The following YY1 variants were observed in gnomAD, a reference collection of about 807,000 sequenced individuals.
YY1 encodes the protein transcriptional repressor protein YY1.
In YY1, 2 loss-of-function variants were observed where a neutral mutation model predicts 35.6. That is an observed-to-expected ratio of 0.06 (90% CI 0.02 to 0.18). The LOEUF is 0.18. YY1 is among the 10% of genes least tolerant of loss of function. The pLI is 1.00. For missense variants in YY1, 322 were observed against 573.4 expected (o/e 0.56, Z 4.48); for synonymous variants, 268 against 238.9 (o/e 1.12, Z -1.12).
intron 2 of YY1, among the ~76,000 whole-genome samples, chr14:100,269,634 T>G (rs1182977291): frequency 6.6e-6 from 1 of 152,222 alleles, no homozygotes; most frequent in Admixed American, 6.5e-5. Context: ...CTTTTTTCAT[T>G]GTTGGCATTC....
chr14:100,260,349 A>G (rs1274178318), intron 1 of YY1, among the ~76,000 whole-genome samples: 1 of 151,036 alleles, frequency 6.6e-6, no homozygotes, highest in Non-Finnish European at 1.5e-5. Context: ...CCTGGCCGAG[A>G]GATCTTTTAA....
chr14:100,258,369 C>T (rs1009895503), intron 1 of YY1, among the ~76,000 whole-genome samples: 3 of 152,028 alleles, frequency 2.0e-5, no homozygotes, highest in Admixed American at 6.6e-5. Flanking sequence ...GTCTCTTTTT[C>T]GGAATACATC....
rs930621069 is a variant in YY1 at position 100,278,459 on chromosome 14, A to G, written c.*859A>G. 4 of 152,648 alleles carry G rather than the reference A, an allele frequency of 2.6e-5. No individual in the cohort carries two copies. Among genetic ancestry groups the G allele is most frequent in the African/African-American group, 9.6e-5 (4 of 41,454 alleles). The allele number at this position is 152,648 out of a possible 1,614,324, so 9.5% of individuals were successfully genotyped here. A position where few individuals can be genotyped will look rare whatever the true frequency, so the allele number is the denominator to read the frequency against. On this transcript the variant is annotated 3_prime_UTR_variant, in exon 5 of 5. Transcript: ENST00000262238. ...CAGAAAGGGCAACAATAAAATAGCA[A>G]TCCTAAAGCAAGAATATGGCAGAAC...
At chr14:100,261,728 G>A (rs1000080754) in intron 1 of YY1, among the ~76,000 whole-genome samples, 1 of 152,192 alleles carries the variant, frequency 6.6e-6, no homozygotes, top group Non-Finnish European at 1.5e-5. Flanking sequence ...CCAAAATAGA[G>A]GAGTGAAGAG....
intron 2 of YY1, chr14:100,263,952 G>C (rs1891118883): frequency 6.6e-6 from 1 of 152,124 alleles, no homozygotes; most frequent in East Asian, 1.9e-4. Flanking sequence ...ACAGCCTCAA[G>C]CAATCCTCCT....
chr14:100,247,061 AG>A (rs972233980), intron 1 of YY1, among the ~76,000 whole-genome samples: 1 of 152,238 alleles, frequency 6.6e-6, no homozygotes, highest in Non-Finnish European at 1.5e-5. Context: ...GGAAAAGGTC[AG>A]GGTTCCTGTC....
intron 1 of YY1, among the ~76,000 whole-genome samples, chr14:100,258,102 A>G (rs539468668): frequency 6.6e-6 from 1 of 152,180 alleles, no homozygotes; most frequent in Non-Finnish European, 1.5e-5. Flanking sequence ...ACTGCACTCC[A>G]GCCTGGACAA....
intron 1 of YY1, among the ~76,000 whole-genome samples, chr14:100,257,177 A>G (rs775115652): frequency 6.6e-6 from 1 of 152,078 alleles, no homozygotes; most frequent in South Asian, 2.1e-4. Context: ...CAGTCTTTCA[A>G]TATTAGAATT....
chr14:100,262,607 ATTTG>A lies in YY1; in HGVS notation c.842+149_842+152del, dbSNP rs150132545. On this transcript the variant is annotated intron_variant, in intron 2 of 4. Transcript: ENST00000262238. ...CCTGAAAACAAAAGCAGTCAGTTTT[ATTTG>A]TTTGTTTTTTGTTTCCTTTTTTTGA... 2,566 of 987,274 alleles carry A rather than the reference ATTTG, an allele frequency of 2.6e-3. 54 individuals carry two copies. In the African/African-American group the frequency reaches 0.038, roughly 14 times the overall value. 61.2% of individuals were successfully genotyped at this position (987,274 alleles called of 1,614,324 possible).
rs1288423883 is a variant in YY1 at position 100,276,378 on chromosome 14, G to T, written c.904-112G>T. 9.3e-6 allele frequency: 13 copies of T among 1,400,448 alleles called. No homozygotes were observed. In the African/African-American group the frequency reaches 1.6e-4, roughly 17 times the overall value. 86.8% of individuals were successfully genotyped at this position (1,400,448 alleles called of 1,614,324 possible). A position where few individuals can be genotyped will look rare whatever the true frequency, so the allele number is the denominator to read the frequency against. On this transcript the variant is annotated intron_variant, in intron 3 of 4. Coordinates refer to ENST00000262238, the MANE Select transcript of YY1 (RefSeq NM_003403.5). The surrounding 1 kb of genome is among the most constrained non-coding windows in gnomAD (Gnocchi z 4.1). Reference sequence around the variant, plus strand: ...CCGTAATACTAAGTAAAATTAAAATGGGGGGTTGGGGAGGTGGTTTTGTTT... The same window carrying T: ...CCGTAATACTAAGTAAAATTAAAATTGGGGGTTGGGGAGGTGGTTTTGTTT...
Position 100,272,556 on chromosome 14 carries a change from A to AT in YY1, c.843-2133dup, listed in dbSNP as rs372463309. On this transcript the variant is annotated intron_variant, in intron 2 of 4. Coordinates refer to ENST00000262238, the MANE Select transcript of YY1 (RefSeq NM_003403.5). ...ACAAACTTAAAAGATCACAGAATTA[A>AT]TTTTTTTTTAAGGAGTATTTTTTTT... Among the ~76,000 whole-genome samples the AT allele has an allele frequency of 2.8e-3, 430 of 150,958 alleles. 2 individuals are homozygous for AT. Among genetic ancestry groups the AT allele is most frequent in the Non-Finnish European group, 4.5e-3 (304 of 67,670 alleles).
At position 100,240,807 on chromosome 14, in the gene YY1, T is replaced by C. The variant is rs556118204; in HGVS notation, c.679+884T>C. 2.1e-3 allele frequency among the ~76,000 whole-genome samples: 315 copies of C among 152,256 alleles called. 3 individuals are homozygous for C. The highest frequency in any genetic ancestry group is 3.9e-3 in the East Asian group (20 of 5,178). On this transcript the variant is annotated intron_variant, in intron 1 of 4. Transcript: ENST00000262238. ...ACGTTTTGGGAAAGCTTTTTTTTTT[T>C]CCCTCAAGTATTTAGCTCTTCTGAA...
chr14:100,252,347 G>A (rs188585837), intron 1 of YY1, among the ~76,000 whole-genome samples: 2 of 152,342 alleles, frequency 1.3e-5, no homozygotes, highest in African/African-American at 2.4e-5. Context: ...GGATGGGCCA[G>A]CGGCTTATTT....
intron 1 of YY1, among the ~76,000 whole-genome samples, chr14:100,245,486 T>C (rs1270245683): frequency 6.6e-6 from 1 of 152,220 alleles, no homozygotes; most frequent in Non-Finnish European, 1.5e-5. Flanking sequence ...CAGTGTTTAC[T>C]TTGGCCTTTT....
chr14:100,248,125 T>TTTTTTTTC (rs1278561759), intron 1 of YY1, among the ~76,000 whole-genome samples: 2 of 143,398 alleles, frequency 1.4e-5, no homozygotes, highest in Non-Finnish European at 3.0e-5. Flanking sequence ...TTTTTTCTTT[T>TTTTTTTTC]TTTTTTTTTT....
rs1418176412 is a variant in YY1 at position 100,279,155 on chromosome 14, T to C, written c.*1555T>C. Reference sequence around the variant, plus strand: ...TTATAATGTTGGATCTTAGGTCAAATAACAGACTTGAGAATACTTTATAAA... The same window carrying C: ...TTATAATGTTGGATCTTAGGTCAAACAACAGACTTGAGAATACTTTATAAA... On this transcript the variant is annotated 3_prime_UTR_variant, in exon 5 of 5. Transcript: ENST00000262238. 6.6e-6 allele frequency: 1 copy of C among 152,206 alleles called. No individual in the cohort carries two copies. Among genetic ancestry groups the C allele is most frequent in the Non-Finnish European group, 1.5e-5 (1 of 68,028 alleles). The allele number at this position is 152,206 out of a possible 1,614,324, so 9.4% of individuals were successfully genotyped here. A position where few individuals can be genotyped will look rare whatever the true frequency, so the allele number is the denominator to read the frequency against.
At chr14:100,270,945 A>G (rs1245035132) in intron 2 of YY1, among the ~76,000 whole-genome samples, 3 of 152,096 alleles carry the variant, frequency 2.0e-5, no homozygotes, top group Non-Finnish European at 4.4e-5. Flanking sequence ...GGAACATTAA[A>G]ACTTAAAAAA....
Position 100,254,782 on chromosome 14 carries a change from T to A in YY1, c.680-7522T>A, listed in dbSNP as rs867921162. 9.8e-3 allele frequency among the ~76,000 whole-genome samples: 1,465 copies of A among 149,040 alleles called. 22 individuals are homozygous for A. Among genetic ancestry groups the A allele is most frequent in the South Asian group, 0.023 (107 of 4,676 alleles). On this transcript the variant is annotated intron_variant, in intron 1 of 4. Coordinates refer to ENST00000262238, the MANE Select transcript of YY1 (RefSeq NM_003403.5). ...TATTTTATTTATTTATTTATTTTTT[T>A]TTTTTTTTGAGTCGAAGTCTCACAG... is the stretch of plus-strand genomic sequence containing the variant.
At chr14:100,258,650 G>A (rs1243354869) in intron 1 of YY1, among the ~76,000 whole-genome samples, 2 of 152,166 alleles carry the variant, frequency 1.3e-5, no homozygotes, top group Non-Finnish European at 2.9e-5. Context: ...ACCACGCCCG[G>A]CCCTCATGAG....
Sources: gnomAD v4.1 joint callset for allele counts (sites outside exome capture counted in the v4.1 genomes callset) on GRCh38, gnomAD v4.1.1 for gene constraint, Gnocchi (gnomAD v3.1) non-coding constraint, MANE v1.5 for transcripts, NCBI Gene and HGNC (gene_info 2026-07-23, HGNC 2026-07-21) for gene names.